The following CHRM3 variants were observed in gnomAD, a reference collection of about 807,000 sequenced individuals.
The protein encoded by CHRM3 is cholinergic receptor muscarinic 3.
CHRM3 carries 11 observed loss-of-function variants against 41.8 expected under a neutral mutation model. That is an observed-to-expected ratio of 0.26 (90% CI 0.17 to 0.44). The LOEUF (loss-of-function observed/expected upper bound fraction) is 0.44, where lower values mean the gene tolerates loss of function less well. Ranked by LOEUF, CHRM3 falls within the 20% of genes least tolerant of loss-of-function variation. The probability of loss-of-function intolerance (pLI) is 1.00; values close to 1 mark genes in which losing one functional copy is unlikely to be tolerated. For missense variants in CHRM3, 571 were observed against 745.4 expected (o/e 0.77, Z 2.72); for synonymous variants, 297 against 301.4 (o/e 0.99, Z 0.15).
intron 5 of CHRM3, among the ~76,000 whole-genome samples, chr1:239,786,329 A>C (rs889279604): frequency 1.3e-5 from 2 of 152,192 alleles, no homozygotes; most frequent in Admixed American, 1.3e-4. Flanking sequence ...ATAATTACCT[A>C]TACTTACAAT....
chr1:239,479,123 G>T (rs1666652984), intron 1 of CHRM3, among the ~76,000 whole-genome samples: 1 of 151,338 alleles, frequency 6.6e-6, no homozygotes, highest in East Asian at 2.0e-4. Context: ...GGTGGAAGTT[G>T]TAGGGAGCCA....
At chr1:239,697,936 A>G (rs1660347238) in intron 5 of CHRM3, among the ~76,000 whole-genome samples, 1 of 152,208 alleles carries the variant, frequency 6.6e-6, no homozygotes, top group Admixed American at 6.5e-5. Flanking sequence ...TTTTCTTCAT[A>G]CTTGTGGCAT....
chr1:239,472,447 A>G (rs1185204151), intron 1 of CHRM3, among the ~76,000 whole-genome samples: 9 of 152,204 alleles, frequency 5.9e-5, no homozygotes, highest in Admixed American at 5.9e-4. Context: ...TGCCATGTTC[A>G]TTGTTAGCAA....
intron 1 of CHRM3, among the ~76,000 whole-genome samples, chr1:239,491,563 A>G (rs1667554694): frequency 6.6e-6 from 1 of 152,128 alleles, no homozygotes; most frequent in African/African-American, 2.4e-5. Context: ...TATATACCAC[A>G]TTTTCTGTAG....
chr1:239,488,761 A>G (rs1286122366), intron 1 of CHRM3, among the ~76,000 whole-genome samples: 3 of 130,174 alleles, frequency 2.3e-5, no homozygotes, highest in Admixed American at 1.6e-4. Flanking sequence ...AGGGAATTAG[A>G]TGGTTTTGTA....
At chr1:239,404,013 G>GAT (rs1315416842) in intron 1 of CHRM3, among the ~76,000 whole-genome samples, 1 of 134,092 alleles carries the variant, frequency 7.5e-6, no homozygotes, top group Admixed American at 8.0e-5. Context: ...GAGAGAGAGA[G>GAT]ATACCTGGCT....
chr1:239,455,980 A>G (rs1013679491), intron 1 of CHRM3, among the ~76,000 whole-genome samples: 1 of 152,180 alleles, frequency 6.6e-6, no homozygotes. Context: ...ATGGGAGGTC[A>G]GCCTCAAATC....
intron 1 of CHRM3, among the ~76,000 whole-genome samples, chr1:239,399,297 G>T (rs1352535327): frequency 1.3e-5 from 2 of 149,772 alleles, no homozygotes; most frequent in Non-Finnish European, 3.0e-5. Context: ...TTTGTGAAAT[G>T]ATTACATCAG....
chr1:239,865,958 A>G (rs1676054607), intron 6 of CHRM3, among the ~76,000 whole-genome samples: 1 of 152,138 alleles, frequency 6.6e-6, no homozygotes, highest in African/African-American at 2.4e-5. Context: ...CTTGCCTCCC[A>G]CAAGGGTCTA....
chr1:239,406,187 G>A (rs1329060304), intron 1 of CHRM3, among the ~76,000 whole-genome samples: 1 of 152,166 alleles, frequency 6.6e-6, no homozygotes, highest in Non-Finnish European at 1.5e-5. Flanking sequence ...ACCGTGCCTG[G>A]CTGAAGTTCT....
At chr1:239,601,851 G>T (rs975880225) in intron 3 of CHRM3, among the ~76,000 whole-genome samples, 2 of 151,648 alleles carry the variant, frequency 1.3e-5, no homozygotes, top group African/African-American at 4.8e-5. Context: ...GTTCCTAGTG[G>T]TGCAATAACT....
chr1:239,397,354 G>A (rs1411308690), intron 1 of CHRM3, among the ~76,000 whole-genome samples: 2 of 152,042 alleles, frequency 1.3e-5, no homozygotes, highest in African/African-American at 2.4e-5. Flanking sequence ...TTCCATTAAT[G>A]AATATAAATT....
intron 4 of CHRM3, among the ~76,000 whole-genome samples, chr1:239,665,023 A>T (rs1486838231): frequency 6.6e-6 from 1 of 151,858 alleles, no homozygotes; most frequent in East Asian, 1.9e-4. Flanking sequence ...CTGTGTGCTC[A>T]TTCTCCCATC....
chr1:239,742,897 T>C (rs1664984523), intron 5 of CHRM3, among the ~76,000 whole-genome samples: 1 of 152,220 alleles, frequency 6.6e-6, no homozygotes, highest in African/African-American at 2.4e-5. Context: ...CCATTTTACT[T>C]ATACTTACTG....
At chr1:239,892,437 TG>T (rs1412357269) in intron 6 of CHRM3, among the ~76,000 whole-genome samples, 1 of 152,248 alleles carries the variant, frequency 6.6e-6, no homozygotes, top group Non-Finnish European at 1.5e-5. Context: ...AATCAAAATC[TG>T]AACATGACCT....
chr1:239,405,659 C>T (rs1206392629), intron 1 of CHRM3, among the ~76,000 whole-genome samples: 1 of 151,662 alleles, frequency 6.6e-6, no homozygotes, highest in East Asian at 1.9e-4. Flanking sequence ...TGATTTTTGC[C>T]AGTAGATGGC....
intron 4 of CHRM3, among the ~76,000 whole-genome samples, chr1:239,645,094 T>C (rs1205537862): frequency 2.0e-5 from 3 of 152,172 alleles, no homozygotes; most frequent in African/African-American, 7.2e-5. Flanking sequence ...GATATCTGGA[T>C]GGCAGAGCCG....
chr1:239,860,976 T>TA (rs1285977501), intron 6 of CHRM3, among the ~76,000 whole-genome samples: 1 of 152,084 alleles, frequency 6.6e-6, no homozygotes, highest in Non-Finnish European at 1.5e-5. Context: ...ATTTAGAGGG[T>TA]AAAAAAATTA....
intron 4 of CHRM3, among the ~76,000 whole-genome samples, chr1:239,664,349 A>G (rs1380828562): frequency 6.6e-6 from 1 of 152,194 alleles, no homozygotes. Context: ...GGCATTGTTA[A>G]AAGTCCTGCT....
Sources: gnomAD v4.1 joint callset for allele counts (sites outside exome capture counted in the v4.1 genomes callset) on GRCh38, gnomAD v4.1.1 for gene constraint, MANE v1.5 for transcripts, NCBI Gene and HGNC (gene_info 2026-07-23, HGNC 2026-07-21) for gene names.